The following SGCZ variants were observed in gnomAD, a reference collection of about 807,000 sequenced individuals.
The protein encoded by SGCZ is sarcoglycan zeta.
Under a neutral mutation model 41.3 loss-of-function variants are expected in SGCZ, and 40 were observed. That is an observed-to-expected ratio of 0.97 (90% CI 0.75 to 1.26). The LOEUF (loss-of-function observed/expected upper bound fraction) is 1.26, where lower values mean the gene tolerates loss of function less well. Ranked by LOEUF, SGCZ falls within the 50% of genes most tolerant of loss-of-function variation. The pLI, the probability that SGCZ is intolerant of heterozygous loss-of-function variation, is 0.00. For synonymous variants in SGCZ, 206 were observed against 137.5 expected (o/e 1.50, Z -3.49); for missense variants, 552 against 369.8 (o/e 1.49, Z -4.04).
intron 2 of SGCZ, among the ~76,000 whole-genome samples, chr8:14,496,207 A>G (rs1311671038): frequency 6.6e-6 from 1 of 151,284 alleles, no homozygotes; most frequent in East Asian, 1.9e-4. Context: ...ATGGGACTTC[A>G]GGTGCACAAC....
At chr8:14,482,605 T>G (rs1417433544) in intron 2 of SGCZ, among the ~76,000 whole-genome samples, 2 of 152,172 alleles carry the variant, frequency 1.3e-5, no homozygotes, top group Non-Finnish European at 1.5e-5. Flanking sequence ...GATGCCCAGA[T>G]AGTGGTTAGA....
At chr8:14,475,362 A>T (rs1269910519) in intron 2 of SGCZ, among the ~76,000 whole-genome samples, 2 of 152,182 alleles carry the variant, frequency 1.3e-5, no homozygotes, top group African/African-American at 4.8e-5. Flanking sequence ...GTAAATATAA[A>T]TTTTGTAATT....
intron 1 of SGCZ, among the ~76,000 whole-genome samples, chr8:15,216,618 A>G (rs904220990): frequency 2.0e-5 from 3 of 152,138 alleles, no homozygotes; most frequent in Non-Finnish European, 2.9e-5. Context: ...AGAACTATAT[A>G]GATATCCTTA....
At chr8:15,016,396 G>T in intron 1 of SGCZ, among the ~76,000 whole-genome samples, 1 of 152,200 alleles carries the variant, frequency 6.6e-6, no homozygotes, top group East Asian at 1.9e-4. Flanking sequence ...GGCGATGGTA[G>T]GTGGATGGGT....
chr8:14,806,076 A>G (rs1265692409), intron 1 of SGCZ, among the ~76,000 whole-genome samples: 4 of 151,846 alleles, frequency 2.6e-5, no homozygotes, highest in Non-Finnish European at 5.9e-5. Flanking sequence ...GACGCATTCA[A>G]AGCAGTGTGT....
intron 2 of SGCZ, among the ~76,000 whole-genome samples, chr8:14,338,067 C>A (rs1461550310): frequency 6.6e-6 from 1 of 152,150 alleles, no homozygotes; most frequent in Non-Finnish European, 1.5e-5. Flanking sequence ...AGGATGGATG[C>A]ACAGGAGACT....
At chr8:14,913,681 A>G (rs1472311362) in intron 1 of SGCZ, among the ~76,000 whole-genome samples, 1 of 152,030 alleles carries the variant, frequency 6.6e-6, no homozygotes, top group Non-Finnish European at 1.5e-5. Context: ...CTGTTATTTT[A>G]AATTATGTGT....
In SGCZ at chr8:14,090,069, C is replaced by A. The variant is rs1801638766; in HGVS notation, c.*374G>T. On this transcript the variant is annotated 3_prime_UTR_variant, in exon 8 of 8. Transcript: ENST00000382080. ...TTACAGGGTTAACCATTTCATCTTG[C>A]CATTGGATACTGGGAATTTCATTTA... is the stretch of plus-strand genomic sequence containing the variant. 1 of 159,274 alleles carries A rather than the reference C, an allele frequency of 6.3e-6. No homozygotes were observed. Among genetic ancestry groups the A allele is most frequent in the Admixed American group, 6.5e-5 (1 of 15,424 alleles). The allele number at this position is 159,274 out of a possible 1,614,324, so 9.9% of individuals were successfully genotyped here.
chr8:15,164,463 G>A (rs1027096225), intron 1 of SGCZ, among the ~76,000 whole-genome samples: 12 of 152,182 alleles, frequency 7.9e-5, no homozygotes, highest in African/African-American at 2.6e-4. Flanking sequence ...TCCCCGCCAC[G>A]TGCTGCTGCT....
intron 1 of SGCZ, among the ~76,000 whole-genome samples, chr8:14,601,194 T>G (rs1397346914): frequency 6.6e-6 from 1 of 152,036 alleles, no homozygotes; most frequent in African/African-American, 2.4e-5. Context: ...ATTTATTCAT[T>G]TCACTGCTAA....
intron 1 of SGCZ, among the ~76,000 whole-genome samples, chr8:14,807,195 C>G (rs1801566413): frequency 6.6e-6 from 1 of 151,996 alleles, no homozygotes; most frequent in Non-Finnish European, 1.5e-5. Flanking sequence ...TCTCTCACCA[C>G]TCCTATTCAA....
intron 1 of SGCZ, among the ~76,000 whole-genome samples, chr8:14,665,806 G>A (rs1013200963): frequency 4.6e-5 from 7 of 151,976 alleles, no homozygotes; most frequent in African/African-American, 1.5e-4. Flanking sequence ...TAAATAAAGG[G>A]TGACAAAAGT....
chr8:14,127,948 G>GTC (rs1802916789), intron 5 of SGCZ, among the ~76,000 whole-genome samples: 1 of 151,916 alleles, frequency 6.6e-6, no homozygotes, highest in African/African-American at 2.4e-5. Flanking sequence ...GTAGACCAAA[G>GTC]TGTCTGTTGT....
intron 1 of SGCZ, among the ~76,000 whole-genome samples, chr8:14,956,629 C>T (rs1354323990): frequency 1.3e-5 from 2 of 151,894 alleles, no homozygotes; most frequent in South Asian, 2.1e-4. Flanking sequence ...ACCAAAAGCA[C>T]ACAAAGTTAT....
chr8:14,442,246 C>A (rs1010173624), intron 2 of SGCZ, among the ~76,000 whole-genome samples: 31 of 152,228 alleles, frequency 2.0e-4, no homozygotes, highest in African/African-American at 6.3e-4. Flanking sequence ...ATCATGAGAT[C>A]CGGTCTTGCC....
chr8:14,446,198 G>A (rs866852638), intron 2 of SGCZ, among the ~76,000 whole-genome samples: 1 of 152,262 alleles, frequency 6.6e-6, no homozygotes, highest in South Asian at 2.1e-4. Context: ...AGCTGCTGAA[G>A]CAGCCTGCTG....
At chr8:14,664,829 A>G (rs1349637381) in intron 1 of SGCZ, among the ~76,000 whole-genome samples, 1 of 152,186 alleles carries the variant, frequency 6.6e-6, no homozygotes, top group Non-Finnish European at 1.5e-5. Flanking sequence ...CAAAGAAAAT[A>G]GCATCTGCTT....
intron 1 of SGCZ, among the ~76,000 whole-genome samples, chr8:14,933,068 G>A (rs1312818341): frequency 6.6e-6 from 1 of 151,894 alleles, no homozygotes; most frequent in East Asian, 1.9e-4. Flanking sequence ...GGGCAGGAGG[G>A]GGATGAGGGC....
intron 2 of SGCZ, among the ~76,000 whole-genome samples, chr8:14,324,780 A>G (rs1387268488): frequency 1.3e-5 from 2 of 152,150 alleles, no homozygotes; most frequent in Non-Finnish European, 2.9e-5. Context: ...CTCATGAGAC[A>G]GAATAAAATT....
Sources: gnomAD v4.1 joint callset for allele counts (sites outside exome capture counted in the v4.1 genomes callset) on GRCh38, gnomAD v4.1.1 for gene constraint, MANE v1.5 for transcripts, NCBI Gene and HGNC (gene_info 2026-07-23, HGNC 2026-07-21) for gene names.